The following SUGCT variants were observed in gnomAD, a reference collection of about 807,000 sequenced individuals.
SUGCT encodes succinyl-CoA:glutarate-CoA transferase.
Under a neutral mutation model 55.0 loss-of-function variants are expected in SUGCT, and 41 were observed. The ratio of observed to expected loss-of-function variants is 0.74; its 90% CI spans 0.58 to 0.97. The LOEUF is 0.97. SUGCT is among the 50% of genes least tolerant of loss of function. The probability of loss-of-function intolerance (pLI) is 0.00; values close to 1 mark genes in which losing one functional copy is unlikely to be tolerated. For missense variants in SUGCT, 568 were observed against 547.8 expected, an observed-to-expected ratio of 1.04 and a Z score of -0.37; for synonymous variants, 187 against 200.4, an observed-to-expected ratio of 0.93 and a Z score of 0.56.
chr7:40,464,871 G>C (rs1455003252), intron 11 of SUGCT, among the ~76,000 whole-genome samples: 1 of 152,148 alleles, frequency 6.6e-6, no homozygotes, highest in Non-Finnish European at 1.5e-5. Context: ...TAAATGCATT[G>C]TTGACTTATG....
At chr7:40,337,887 A>C (rs1248055055) in intron 9 of SUGCT, among the ~76,000 whole-genome samples, 5 of 152,018 alleles carry the variant, frequency 3.3e-5, no homozygotes, top group African/African-American at 9.7e-5. Flanking sequence ...TGGCTGGTAC[A>C]GGTTGTTCCT....
the SUGCT span, among the ~76,000 whole-genome samples, chr7:40,985,433 G>C: frequency 3.3e-5 from 5 of 152,278 alleles, no homozygotes; most frequent in African/African-American, 9.6e-5. Context: ...TGAGTGCCTG[G>C]AAAATGCACT....
chr7:40,585,350 C>T (rs982901793), intron 12 of SUGCT, among the ~76,000 whole-genome samples: 4 of 152,112 alleles, frequency 2.6e-5, no homozygotes, highest in East Asian at 1.9e-4. Context: ...AGTCAGGTTT[C>T]GTTGTTGTCG....
At chr7:40,689,351 C>T (rs1370904904) in intron 12 of SUGCT, among the ~76,000 whole-genome samples, 2 of 152,120 alleles carry the variant, frequency 1.3e-5, no homozygotes, top group Non-Finnish European at 2.9e-5. Context: ...TCTTTTTTAC[C>T]TTTTTTATGT....
intron 9 of SUGCT, among the ~76,000 whole-genome samples, chr7:40,387,256 C>T (rs377540709): frequency 6.6e-6 from 1 of 152,166 alleles, no homozygotes; most frequent in Non-Finnish European, 1.5e-5. Flanking sequence ...AGGTATTATT[C>T]ATCTCCCTTC....
intron 11 of SUGCT, among the ~76,000 whole-genome samples, chr7:40,468,698 G>C (rs1790253066): frequency 6.6e-6 from 1 of 151,862 alleles, no homozygotes; most frequent in South Asian, 2.1e-4. Flanking sequence ...GCTGATTTCA[G>C]AGGTTTTACC....
intron 13 of SUGCT, among the ~76,000 whole-genome samples, chr7:40,761,326 C>T (rs1788522053): frequency 6.6e-6 from 1 of 152,124 alleles, no homozygotes. Flanking sequence ...GTGAAAGCCT[C>T]CTCCAAAATC....
the SUGCT span, among the ~76,000 whole-genome samples, chr7:40,927,302 A>G: frequency 2.0e-5 from 3 of 152,172 alleles, no homozygotes; most frequent in East Asian, 1.9e-4. Flanking sequence ...TGGTGAAAAC[A>G]TAGTCATGTG....
intron 9 of SUGCT, among the ~76,000 whole-genome samples, chr7:40,342,141 A>C (rs180727182): frequency 5.9e-5 from 9 of 152,326 alleles, no homozygotes; most frequent in African/African-American, 2.2e-4. Flanking sequence ...TCTATGGCAG[A>C]TACTGATCCA....
intron 12 of SUGCT, among the ~76,000 whole-genome samples, chr7:40,736,245 TAA>T (rs1787154030): frequency 2.9e-5 from 2 of 68,582 alleles, no homozygotes; most frequent in African/African-American, 3.4e-4. Flanking sequence ...ATATAATATA[TAA>T]TATATTATAA....
chr7:40,253,006 G>A (rs187371935), intron 7 of SUGCT, among the ~76,000 whole-genome samples: 37 of 152,282 alleles, frequency 2.4e-4, no homozygotes, highest in Middle Eastern at 3.4e-3. Context: ...GAAATAATGA[G>A]GCCATTTTGA....
At chr7:40,468,774 G>T (rs987969359) in intron 11 of SUGCT, among the ~76,000 whole-genome samples, 1 of 152,154 alleles carries the variant, frequency 6.6e-6, no homozygotes, top group East Asian at 1.9e-4. Flanking sequence ...TTCAAACAGC[G>T]CAGGGAGGGT....
chr7:40,949,099 C>T, the SUGCT span, among the ~76,000 whole-genome samples: 2 of 152,180 alleles, frequency 1.3e-5, no homozygotes, highest in Admixed American at 6.5e-5. Context: ...TAGTTCTCCA[C>T]ATCCTCTCCA....
intron 12 of SUGCT, among the ~76,000 whole-genome samples, chr7:40,639,405 A>G (rs1265148097): frequency 6.6e-6 from 1 of 152,244 alleles, no homozygotes; most frequent in African/African-American, 2.4e-5. Flanking sequence ...TTCTATTACC[A>G]GATAAGAATT....
At chr7:40,397,024 C>G (rs901097161) in intron 9 of SUGCT, among the ~76,000 whole-genome samples, 1 of 152,032 alleles carries the variant, frequency 6.6e-6, no homozygotes, top group Non-Finnish European at 1.5e-5. Flanking sequence ...TAATATATAT[C>G]AGATAGACCT....
chr7:40,303,909 A>G (rs1392404104), intron 8 of SUGCT, among the ~76,000 whole-genome samples: 1 of 152,146 alleles, frequency 6.6e-6, no homozygotes, highest in Non-Finnish European at 1.5e-5. Context: ...CAGCCTGGCC[A>G]ACATGGCAAA....
intron 12 of SUGCT, among the ~76,000 whole-genome samples, chr7:40,558,036 G>A: frequency 6.6e-6 from 1 of 151,736 alleles, no homozygotes; most frequent in Admixed American, 6.6e-5. Flanking sequence ...TAGTCATTAA[G>A]GAAATGCAAG....
chr7:40,318,059 A>G (rs1347173345), intron 9 of SUGCT, among the ~76,000 whole-genome samples: 1 of 152,098 alleles, frequency 6.6e-6, no homozygotes, highest in Non-Finnish European at 1.5e-5. Context: ...TATACTTCTA[A>G]CCAGACCTGC....
intron 5 of SUGCT, among the ~76,000 whole-genome samples, chr7:40,193,713 C>T (rs957347084): frequency 3.3e-5 from 5 of 151,376 alleles, no homozygotes; most frequent in African/African-American, 1.2e-4. Flanking sequence ...ATTCTTGTGT[C>T]TCAGCCTCCC....
Sources: gnomAD v4.1 joint callset for allele counts (sites outside exome capture counted in the v4.1 genomes callset) on GRCh38, gnomAD v4.1.1 for gene constraint, MANE v1.5 for transcripts, NCBI Gene and HGNC (gene_info 2026-07-23, HGNC 2026-07-21) for gene names.